The following TTC39B variants were observed in gnomAD, a reference collection of about 807,000 sequenced individuals.
The protein encoded by TTC39B is tetratricopeptide repeat domain 39B, also known as tetratricopeptide repeat protein 39B.
In TTC39B, 92 loss-of-function variants were observed where a neutral mutation model predicts 96.6. The observed-to-expected ratio is 0.95, with a 90% CI of 0.80 to 1.13. The LOEUF (loss-of-function observed/expected upper bound fraction) is 1.13. TTC39B is among the 50% of genes most tolerant of loss of function. The pLI, the probability that TTC39B is intolerant of heterozygous loss-of-function variation, is 0.00. For missense variants in TTC39B, 955 were observed against 809.3 expected, an observed-to-expected ratio of 1.18 and a Z score of -2.18; for synonymous variants, 367 against 299.4, an observed-to-expected ratio of 1.23 and a Z score of -2.33.
chr9:15,293,141 A>T (rs1240944735), intron 1 of TTC39B, among the ~76,000 whole-genome samples: 1 of 152,202 alleles, frequency 6.6e-6, no homozygotes, highest in Non-Finnish European at 1.5e-5. Flanking sequence ...TTAGATACAC[A>T]AATACCATTG....
chr9:15,251,741 T>C (rs1293085852), intron 2 of TTC39B, among the ~76,000 whole-genome samples: 1 of 98,816 alleles, frequency 1.0e-5, no homozygotes, highest in East Asian at 5.1e-4. Context: ...ATATATGTAG[T>C]ATATATGGAG....
intron 1 of TTC39B, among the ~76,000 whole-genome samples, chr9:15,269,980 C>A (rs1380328201): frequency 1.3e-5 from 2 of 152,062 alleles, no homozygotes; most frequent in East Asian, 1.9e-4. Flanking sequence ...ACCAGCCTGG[C>A]CAACATGGTG....
intron 3 of TTC39B, among the ~76,000 whole-genome samples, chr9:15,216,290 A>G (rs1820512583): frequency 6.6e-6 from 1 of 152,196 alleles, no homozygotes; most frequent in Non-Finnish European, 1.5e-5. Context: ...CCTAGAACAT[A>G]TTACGTGCTC....
chr9:15,284,381 G>A (rs1823878106), intron 1 of TTC39B, among the ~76,000 whole-genome samples: 1 of 152,098 alleles, frequency 6.6e-6, no homozygotes, highest in African/African-American at 2.4e-5. Context: ...CTACTTCCAG[G>A]ATGCATTATT....
rs1015743808 is a variant in TTC39B at position 15,203,811 on chromosome 9, A to C, written c.759+12T>G. 2.5e-6 allele frequency: 4 copies of C among 1,607,558 alleles called. No homozygotes were observed. The highest frequency in any genetic ancestry group is 3.4e-6 in the Non-Finnish European group (4 of 1,176,508). The stretch of plus-strand genomic sequence containing the variant: ...CCCAGCCAATACGAATTCCAAGCCA[A>C]ATATTCATTACCTGCACAAACGTGA... On this transcript the variant is annotated intron_variant, in intron 7 of 19. Transcript: ENST00000512701.
At chr9:15,186,594 G>A (rs1818537592) in intron 15 of TTC39B, 1 of 169,026 alleles carries the variant, frequency 5.9e-6, no homozygotes, top group African/African-American at 2.4e-5. Context: ...TCCATTAATT[G>A]TTGTTTCCGT....
At chr9:15,294,892 G>A (rs1342504436) in intron 1 of TTC39B, among the ~76,000 whole-genome samples, 1 of 152,104 alleles carries the variant, frequency 6.6e-6, no homozygotes, top group East Asian at 1.9e-4. Context: ...CTCACAACAG[G>A]TTCTATTATC....
At chr9:15,277,576 GCC>G in intron 1 of TTC39B, among the ~76,000 whole-genome samples, 1 of 152,070 alleles carries the variant, frequency 6.6e-6, no homozygotes, top group East Asian at 1.9e-4. Context: ...GTGAGACATT[GCC>G]CAACACAGTG....
At chr9:15,269,513 T>C (rs901043227) in intron 1 of TTC39B, among the ~76,000 whole-genome samples, 14 of 152,152 alleles carry the variant, frequency 9.2e-5, no homozygotes, top group Non-Finnish European at 1.9e-4. Flanking sequence ...GTTTAGACCA[T>C]ACTGGATTCT....
intron 2 of TTC39B, among the ~76,000 whole-genome samples, chr9:15,265,219 T>C: frequency 6.6e-6 from 1 of 152,144 alleles, no homozygotes; most frequent in South Asian, 2.1e-4. Context: ...AAAAAACTGC[T>C]TGCAATGCCT....
At chr9:15,243,240 C>G (rs1348043288) in intron 2 of TTC39B, among the ~76,000 whole-genome samples, 1 of 152,182 alleles carries the variant, frequency 6.6e-6, no homozygotes, top group Non-Finnish European at 1.5e-5. Flanking sequence ...TGGGCATTTA[C>G]CCCTCCCACA....
chr9:15,289,215 C>T (rs1490591002), intron 1 of TTC39B, among the ~76,000 whole-genome samples: 1 of 152,114 alleles, frequency 6.6e-6, no homozygotes, highest in Non-Finnish European at 1.5e-5. Flanking sequence ...AAAAACAAAA[C>T]CTTTCCTCCC....
chr9:15,272,471 A>T (rs7874210), intron 1 of TTC39B, among the ~76,000 whole-genome samples: 8,652 of 152,240 alleles, frequency 0.057, 282 homozygotes, highest in African/African-American at 0.083. Flanking sequence ...CAACAAATAC[A>T]AAGTGTTACA....
intron 1 of TTC39B, 146 bp from the exon 2 acceptor site, chr9:15,268,094 C>G: frequency 1.7e-6 from 1 of 602,102 alleles, no homozygotes; most frequent in Non-Finnish European, 2.8e-6. Context: ...CAACTTAACG[C>G]TTATGGAATT....
intron 1 of TTC39B, 70 bp from the exon 2 acceptor site, chr9:15,268,018 G>A: frequency 6.9e-7 from 1 of 1,444,154 alleles, no homozygotes; most frequent in Non-Finnish European, 9.7e-7. Flanking sequence ...TTCTAAAAGA[G>A]AAAATGAATA....
chr9:15,178,506 T>C (rs929083143), intron 17 of TTC39B, among the ~76,000 whole-genome samples: 3 of 152,190 alleles, frequency 2.0e-5, no homozygotes, highest in African/African-American at 7.2e-5. Flanking sequence ...GCCCAGCAGT[T>C]GGAGGCTGCA....
chr9:15,164,615 T>G (rs938227810), exon 20 of TTC39B: 1 of 152,232 alleles, frequency 6.6e-6, no homozygotes, highest in African/African-American at 2.4e-5. Flanking sequence ...GCCTTTACAT[T>G]TGATTTAGCA....
intron 13 of TTC39B, among the ~76,000 whole-genome samples, chr9:15,189,055 A>C (rs2118750987): frequency 6.6e-6 from 1 of 152,346 alleles, no homozygotes; most frequent in South Asian, 2.1e-4. Flanking sequence ...AGTGAAAAAA[A>C]AATCACAGAA....
chr9:15,286,795 A>G (rs1823989203), intron 1 of TTC39B, among the ~76,000 whole-genome samples: 1 of 152,116 alleles, frequency 6.6e-6, no homozygotes, highest in Admixed American at 6.5e-5. Flanking sequence ...TTAGCTATCT[A>G]GTTATTTCTT....
Sources: allele counts gnomAD v4.1 joint callset (sites outside exome capture counted in the v4.1 genomes callset), GRCh38; gene constraint gnomAD v4.1.1; transcripts MANE v1.5; gene names NCBI Gene and HGNC (gene_info 2026-07-23, HGNC 2026-07-21).